The following TAX1BP1 variants were observed in gnomAD, a reference collection of about 807,000 sequenced individuals.
The protein encoded by TAX1BP1 is Tax1 binding protein 1, also known as tax1-binding protein 1.
Under a neutral mutation model 97.7 loss-of-function variants are expected in TAX1BP1, and 62 were observed. That is an observed-to-expected ratio of 0.63 (90% CI 0.52 to 0.78). TAX1BP1 has a LOEUF of 0.78. Among genes scored for constraint, TAX1BP1 ranks in the 30% least tolerant of loss-of-function variants. The probability of loss-of-function intolerance (pLI) is 0.00; values close to 1 mark genes in which losing one functional copy is unlikely to be tolerated. For missense variants in TAX1BP1, 867 were observed against 916.1 expected, an observed-to-expected ratio of 0.95 and a Z score of 0.69; for synonymous variants, 340 against 304.2, an observed-to-expected ratio of 1.12 and a Z score of -1.23.
Position 27,768,848 on chromosome 7 carries a change from C to G in TAX1BP1, c.454-828C>G, listed in dbSNP as rs545887354. On this transcript the variant is annotated intron_variant, in intron 4 of 16. Transcript: ENST00000396319. ...ATTTAATCAGTTTGATTTCATAATC[C>G]CATGACCCTGGAAAACCAATTTGGG... Among the ~76,000 whole-genome samples, 9 of 151,964 alleles carry G rather than the reference C, an allele frequency of 5.9e-5. No individual in the cohort carries two copies. The South Asian group carries it at 1.9e-3, about 31-fold the overall frequency.
rs1488139449 is a variant in TAX1BP1, at chr7:27,827,832, C to G, written c.2168+12C>G. 6.2e-7 allele frequency: 1 copy of G among 1,611,814 alleles called. No homozygotes were observed. Among genetic ancestry groups the G allele is most frequent in the Non-Finnish European group, 8.5e-7 (1 of 1,178,830 alleles). Reference sequence around the variant, plus strand: ...TGCTTTGATTCCAGGTAGTTTTCTTCTTTACTTTGTAGAATTTGGGTTATA... The same window carrying G: ...TGCTTTGATTCCAGGTAGTTTTCTTGTTTACTTTGTAGAATTTGGGTTATA... On this transcript the variant is annotated intron_variant, in intron 16 of 16. Coordinates refer to ENST00000396319, the MANE Select transcript of TAX1BP1 (RefSeq NM_006024.7).
chr7:27,763,471 GA>G (rs1788505953), intron 3 of TAX1BP1, among the ~76,000 whole-genome samples: 1 of 151,962 alleles, frequency 6.6e-6, no homozygotes, highest in South Asian at 2.1e-4. Flanking sequence ...GTTTTTTAAA[GA>G]ATCAGACCTT....
chr7:27,759,078 G>T (rs564628292), intron 3 of TAX1BP1, among the ~76,000 whole-genome samples: 39 of 152,076 alleles, frequency 2.6e-4, no homozygotes, highest in Non-Finnish European at 3.5e-4. Context: ...CTTTAGGATT[G>T]TATTAAAGTG....
intron 13 of TAX1BP1, among the ~76,000 whole-genome samples, chr7:27,810,333 T>C (rs1436759603): frequency 6.6e-6 from 1 of 152,166 alleles, no homozygotes; most frequent in East Asian, 1.9e-4. Context: ...TGGCAAGAGA[T>C]GAAGGATATC....
In TAX1BP1 at chr7:27,796,145, G is replaced by T; in HGVS notation, c.1564G>T (p.Gly522Trp). The T allele has an allele frequency of 6.2e-7, 1 of 1,604,908 alleles. No individual in the cohort carries two copies. The highest frequency in any genetic ancestry group is 8.5e-7 in the Non-Finnish European group (1 of 1,177,328). The change falls in exon 12 of 17, where the codon GGG becomes TGG. Residue 522 changes from glycine to tryptophan, a missense_variant. Transcript: ENST00000396319. ...GGCAGATTTTGACATAGTAACAAAG[G>T]GGCAAGTCTGTGAAATGACCAAAGA... Reference protein sequence around the residue: ...AEADFDIVTKGQVCEMTKEIA... With the variant: ...AEADFDIVTKWQVCEMTKEIA...
chr7:27,746,838 A>C (rs1003751780), intron 1 of TAX1BP1, among the ~76,000 whole-genome samples: 4 of 152,180 alleles, frequency 2.6e-5, no homozygotes, highest in Admixed American at 1.3e-4. Flanking sequence ...CATTATATTC[A>C]GTAAAGCAGG....
chr7:27,753,043 T>C (rs1221343862), intron 2 of TAX1BP1, among the ~76,000 whole-genome samples: 1 of 151,952 alleles, frequency 6.6e-6, no homozygotes, highest in Non-Finnish European at 1.5e-5. Context: ...CTCACGCCTG[T>C]AATCCCAGCA....
At chr7:27,828,515 GGTT>G (rs1237183733) in intron 16 of TAX1BP1, 110 bp from the exon 17 acceptor site, 1 of 941,186 alleles carries the variant, frequency 1.1e-6, no homozygotes, top group Non-Finnish European at 1.6e-6. Flanking sequence ...TTTTAAGGTA[GGTT>G]GTTTAGTATG....
At position 27,816,936 on chromosome 7, in the gene TAX1BP1, T is replaced by G. The variant is rs1465994526; in HGVS notation, c.1983T>G (p.Pro661=). 6.2e-7 allele frequency: 1 copy of G among 1,613,912 alleles called. No homozygotes were observed. Among genetic ancestry groups the G allele is most frequent in the African/African-American group, 1.3e-5 (1 of 74,932 alleles). The stretch of plus-strand genomic sequence containing the variant: ...ACCCAGATGAAATACAAAGGCCACC[T>G]GTCAGAGTCCCCTCTTGGGGACTGG... The part of the protein sequence containing the change: ...AFYPDEIQRP[P]VRVPSWGLED... The change falls in exon 15 of 17, where the codon CCT becomes CCG. Residue 661 remains proline (P), a synonymous_variant. Transcript: ENST00000396319.
At chr7:27,752,424 A>G (rs1297421372) in intron 2 of TAX1BP1, among the ~76,000 whole-genome samples, 1 of 152,182 alleles carries the variant, frequency 6.6e-6, no homozygotes, top group South Asian at 2.1e-4. Context: ...TTTTCCAGAG[A>G]GATTCAGCAT....
intron 5 of TAX1BP1, among the ~76,000 whole-genome samples, chr7:27,773,161 G>A (rs147412819): frequency 6.6e-5 from 10 of 152,178 alleles, no homozygotes; most frequent in African/African-American, 2.2e-4. Flanking sequence ...TTACTTGTCC[G>A]TGATTGCACA....
At chr7:27,769,964 T>C (rs2128312529) in intron 5 of TAX1BP1, 130 bp downstream of exon 5, 1 of 804,560 alleles carries the variant, frequency 1.2e-6, no homozygotes. Context: ...GATAGACGTT[T>C]ATACAAGAAC....
rs1203752661 is a variant in TAX1BP1 at position 27,773,373 on chromosome 7, A to AT, written c.612+3541dup. ...AATGTATTTACAAAATCATGCAACC[A>AT]TTACCATAGTCTAATTTAGGAACAA... is the stretch of plus-strand genomic sequence containing the variant. On this transcript the variant is annotated intron_variant, in intron 5 of 16. Transcript: ENST00000396319. Among the ~76,000 whole-genome samples the AT allele has an allele frequency of 3.3e-5, 5 of 152,088 alleles. No individual in the cohort carries two copies. In the East Asian group the frequency reaches 9.6e-4, roughly 29 times the overall value.
At chr7:27,781,393 C>T (rs1422962394) in intron 5 of TAX1BP1, among the ~76,000 whole-genome samples, 1 of 152,164 alleles carries the variant, frequency 6.6e-6, no homozygotes, top group Non-Finnish European at 1.5e-5. Flanking sequence ...ATGGTATAAC[C>T]TGTTGCTCCT....
intron 3 of TAX1BP1, among the ~76,000 whole-genome samples, chr7:27,760,541 C>T (rs960324688): frequency 1.2e-4 from 18 of 151,388 alleles, no homozygotes; most frequent in East Asian, 2.0e-4. Flanking sequence ...CGGAGGCGCC[C>T]GCCACCATGC....
intron 3 of TAX1BP1, among the ~76,000 whole-genome samples, chr7:27,763,514 C>T (rs1788507139): frequency 6.6e-6 from 1 of 152,112 alleles, no homozygotes; most frequent in South Asian, 2.1e-4. Flanking sequence ...CACCTGTAAT[C>T]CCAGCACTTT....
intron 2 of TAX1BP1, among the ~76,000 whole-genome samples, chr7:27,754,385 T>C (rs968554743): frequency 6.8e-6 from 1 of 147,920 alleles, no homozygotes; most frequent in Non-Finnish European, 1.5e-5. Flanking sequence ...ACAATTATAA[T>C]ATATATAATA....
At chr7:27,755,153 G>T (rs1788164406) in intron 2 of TAX1BP1, among the ~76,000 whole-genome samples, 1 of 152,172 alleles carries the variant, frequency 6.6e-6, no homozygotes, top group African/African-American at 2.4e-5. Flanking sequence ...GAAGGAAAAT[G>T]AATGCTTCTA....
At chr7:27,770,539 C>T (rs974124205) in intron 5 of TAX1BP1, among the ~76,000 whole-genome samples, 3 of 152,022 alleles carry the variant, frequency 2.0e-5, no homozygotes, top group African/African-American at 7.2e-5. Flanking sequence ...GCCGGTTGGG[C>T]ATATTTATGC....
Sources: gnomAD v4.1 joint callset for allele counts (sites outside exome capture counted in the v4.1 genomes callset) on GRCh38, gnomAD v4.1.1 for gene constraint, MANE v1.5 for transcripts, NCBI Gene and HGNC (gene_info 2026-07-23, HGNC 2026-07-21) for gene names.